SRP19: variants seen among roughly 807,000 people sequenced by gnomAD.
The protein encoded by SRP19 is signal recognition particle 19, also known as signal recognition particle 19 kDa protein.
Under a neutral mutation model 22.4 loss-of-function variants are expected in SRP19, and 11 were observed. That is an observed-to-expected ratio of 0.49 (90% confidence interval 0.31 to 0.81). The LOEUF is 0.81. Among genes scored for constraint, SRP19 ranks in the 40% least tolerant of loss-of-function variants. SRP19 has a pLI of 0.05. For synonymous variants in SRP19, 61 were observed against 57.6 expected, an observed-to-expected ratio of 1.06 and a Z score of -0.27; for missense variants, 168 against 175.9, an observed-to-expected ratio of 0.96 and a Z score of 0.25.
chr5:112,872,778 C>T (rs951141466), downstream of SRP19, among the ~76,000 whole-genome samples: 2 of 152,152 alleles, frequency 1.3e-5, no homozygotes, highest in Non-Finnish European at 2.9e-5. Flanking sequence ...TTGTGTATCC[C>T]GTGTATTCCT....
Position 112,862,566 on chromosome 5 carries a change from C to G in SRP19, c.100C>G (p.Arg34Gly), listed in dbSNP as rs745549193. 18 of 1,613,572 alleles carry G rather than the reference C, an allele frequency of 1.1e-5. No individual in the cohort carries two copies. The highest frequency in any genetic ancestry group is 1.4e-5 in the Non-Finnish European group (17 of 1,179,908). ...TAAGAAGACCATCGCAGAGGGAAGG[C>G]GAATCCCCATAAGTAAGGTAAGCAA... ...NNKKTIAEGR[R>G]IPISKAVENP... Residue 34 changes from arginine to glycine, a missense_variant, in exon 2 of 5, where the codon CGA becomes GGA. Physicochemically the swap from Arg to Gly is moderately radical, Grantham distance 125. Transcript: ENST00000505459.
intron 4 of SRP19, among the ~76,000 whole-genome samples, chr5:112,881,534 T>G (rs1473580607): frequency 6.6e-6 from 1 of 152,210 alleles, no homozygotes; most frequent in African/African-American, 2.4e-5. Context: ...GGCTGTGCCC[T>G]GAGGACACTG....
At chr5:112,897,270 G>C (rs1187641161), downstream of SRP19, 1 of 150,332 alleles carries the variant, frequency 6.7e-6, no homozygotes, top group East Asian at 2.0e-4. Context: ...CAATATATTT[G>C]CACATTTTAA....
intron 4 of SRP19, chr5:112,887,307 C>G (rs1472188425): frequency 1.1e-6 from 1 of 882,642 alleles, no homozygotes. Context: ...AAAGGCATTA[C>G]CAGTGTTTTC....
intron 4 of SRP19, among the ~76,000 whole-genome samples, chr5:112,865,528 C>A (rs1420217555): frequency 6.6e-6 from 1 of 151,824 alleles, no homozygotes; most frequent in African/African-American, 2.4e-5. Flanking sequence ...AGTTTAATAA[C>A]CCCCTCAGTT....
chr5:112,879,669 G>A (rs1015589908), intron 4 of SRP19, among the ~76,000 whole-genome samples: 1 of 151,838 alleles, frequency 6.6e-6, no homozygotes, highest in Non-Finnish European at 1.5e-5. Context: ...GTAGAGATGG[G>A]GTTTCACTGT....
intron 4 of SRP19, chr5:112,887,328 A>G: frequency 1.4e-6 from 1 of 735,580 alleles, no homozygotes; most frequent in Non-Finnish European, 2.0e-6. Flanking sequence ...TGCAGGTTAA[A>G]GGTGGGCTTT....
At chr5:112,873,889 T>A (rs1767837625), downstream of SRP19, among the ~76,000 whole-genome samples, 1 of 152,034 alleles carries the variant, frequency 6.6e-6, no homozygotes, top group Admixed American at 6.6e-5. Context: ...CTGGCCTGGG[T>A]GCTGTGGCTC....
chr5:112,893,051 G>T, exon 5 of SRP19: 1 of 1,217,990 alleles, frequency 8.2e-7, no homozygotes. Context: ...AATAGAGACA[G>T]AACTGTTCAG....
Position 112,892,131 on chromosome 5 carries a change from C to T in SRP19, c.*524C>T, listed in dbSNP as rs377229917. 218 of 1,614,128 alleles carry T rather than the reference C, an allele frequency of 1.4e-4. No individual in the cohort carries two copies. The South Asian group carries it at 2.1e-3, about 16-fold the overall frequency. On this transcript the variant is annotated 3_prime_UTR_variant, in exon 5 of 5. Transcript: ENST00000391338. ...CCACATGGCAAAACCCAGAACCACC[C>T]GTGGATTTCAGAGTAATGGAGAAGG...
chr5:112,898,012 T>C (rs1483583016), downstream of SRP19: 1 of 152,196 alleles, frequency 6.6e-6, no homozygotes, highest in Non-Finnish European at 1.5e-5. Flanking sequence ...TGAGCCAAGA[T>C]GGCACCACTG....
At chr5:112,878,509 A>G (rs2150032286) in intron 4 of SRP19, 2 of 423,622 alleles carry the variant, frequency 4.7e-6, no homozygotes, top group Non-Finnish European at 8.3e-6. Context: ...TTAAGTTTAT[A>G]TTTCCTGCAG....
At chr5:112,892,219 C>T (rs545585712) in exon 5 of SRP19, 21 of 1,614,104 alleles carry the variant, frequency 1.3e-5, no homozygotes, top group Middle Eastern at 3.3e-4. Context: ...CAGATGTTCA[C>T]GTAAACATAA....
chr5:112,879,162 G>C (rs561911530), intron 4 of SRP19, among the ~76,000 whole-genome samples: 20 of 152,228 alleles, frequency 1.3e-4, no homozygotes, highest in Non-Finnish European at 2.9e-4. Flanking sequence ...TAAGAGTAGT[G>C]TTCAAATTCT....
At position 112,862,495 on chromosome 5, in the gene SRP19, T is replaced by G. The variant is rs1160033729; in HGVS notation, c.42-13T>G. ...TGCTCTAGTGATACCACTTATGCTA[T>G]TGTCTATGGCAGGTTTATTTGTATC... On this transcript the variant is annotated splice_polypyrimidine_tract_variant and intron_variant, in intron 1 of 4. Coordinates refer to ENST00000505459, the MANE Select transcript of SRP19 (RefSeq NM_003135.3). 1 of 1,612,564 alleles carries G rather than the reference T, an allele frequency of 6.2e-7. No individual in the cohort carries two copies. The highest frequency in any genetic ancestry group is 2.2e-5 in the East Asian group (1 of 44,898).
exon 5 of SRP19, chr5:112,892,962 GAGCCAGAGCCGCAGGAGCCACCGC>G: frequency 6.3e-7 from 1 of 1,595,132 alleles, no homozygotes; most frequent in South Asian, 1.1e-5. Flanking sequence ...AGGGCCGCCG[GAGCCAGAGCCGCAGGAGCCACCGC>G]AGCCGGAGCC....
At chr5:112,862,390 G>T (rs1320949056) in intron 1 of SRP19, 118 bp from the exon 2 acceptor site, 1 of 835,936 alleles carries the variant, frequency 1.2e-6, no homozygotes, top group Admixed American at 2.1e-5. Flanking sequence ...GGGTTGAAAA[G>T]GGAGTACCCA....
downstream of SRP19, chr5:112,894,518 G>C (rs964587924): frequency 6.6e-6 from 1 of 152,218 alleles, no homozygotes; most frequent in African/African-American, 2.4e-5. Flanking sequence ...ATTATGATAT[G>C]CAGGAAATGT....
In SRP19 at chr5:112,867,737, A is replaced by G. The variant is rs1345274954; in HGVS notation, c.*200A>G. 4.7e-6 allele frequency: 6 copies of G among 1,279,620 alleles called. No homozygotes were observed. In the East Asian group the frequency reaches 8.6e-5, roughly 18 times the overall value. 79.3% of individuals were successfully genotyped at this position (1,279,620 alleles called of 1,614,324 possible). A position where few individuals can be genotyped will look rare whatever the true frequency, so the allele number is the denominator to read the frequency against. On this transcript the variant is annotated 3_prime_UTR_variant, in exon 5 of 5. Transcript: ENST00000505459. ...TTTGCATCTCGCGTATATGCCGTAT[A>G]AAAGAATTTTTTTGTCTTTCAATGC...
Sources: allele counts gnomAD v4.1 joint callset (sites outside exome capture counted in the v4.1 genomes callset), GRCh38; gene constraint gnomAD v4.1.1; transcripts MANE v1.5; gene names NCBI Gene and HGNC (gene_info 2026-07-23, HGNC 2026-07-21).